Variants in FUBP1 observed in about 807,000 individuals in gnomAD.
The protein encoded by FUBP1 is far upstream element-binding protein 1.
FUBP1 carries 16 observed loss-of-function variants against 94.9 expected under a neutral mutation model. The ratio of observed to expected loss-of-function variants is 0.17; its 90% CI spans 0.11 to 0.26. FUBP1 has a LOEUF of 0.26. Ranked by LOEUF, FUBP1 falls within the 10% of genes least tolerant of loss-of-function variation. The pLI, the probability that FUBP1 is intolerant of heterozygous loss-of-function variation, is 1.00. For synonymous variants in FUBP1, 279 were observed against 254.9 expected (o/e 1.09, Z -0.90); for missense variants, 583 against 808.6 (o/e 0.72, Z 3.38).
chr1:77,959,825 C>G (rs980509350), intron 16 of FUBP1, among the ~76,000 whole-genome samples: 1 of 152,218 alleles, frequency 6.6e-6, no homozygotes, highest in Admixed American at 6.5e-5. Flanking sequence ...CTATCACATA[C>G]TTTTCTAAAT....
At chr1:77,971,226 C>T (rs144607214) in intron 1 of FUBP1, among the ~76,000 whole-genome samples, 1,643 of 152,278 alleles carry the variant, frequency 0.011, 12 homozygotes, top group Non-Finnish European at 0.016. Flanking sequence ...CTCCACACTG[C>T]AATGCTGTAC....
intron 18 of FUBP1, among the ~76,000 whole-genome samples, chr1:77,954,889 C>T (rs754078110): frequency 6.6e-6 from 1 of 152,202 alleles, no homozygotes; most frequent in Non-Finnish European, 1.5e-5. Flanking sequence ...CTGCAGATTA[C>T]TTCTTACCTG....
At position 77,947,556 on chromosome 1, in the gene FUBP1, C is replaced by T; in HGVS notation, c.*1210G>A. ...TACTGGCTGGATCAAACCTGCACTTCAACAGACAATGGCAAGACAGACTGT... is the reference window on the plus strand; with the variant it reads ...TACTGGCTGGATCAAACCTGCACTTTAACAGACAATGGCAAGACAGACTGT... On this transcript the variant is annotated 3_prime_UTR_variant, in exon 20 of 20. Coordinates refer to ENST00000370768, the MANE Select transcript of FUBP1 (RefSeq NM_003902.5). The T allele has an allele frequency of 7.4e-7, 1 of 1,350,606 alleles. No individual in the cohort carries two copies. The highest frequency in any genetic ancestry group is 9.8e-7 in the Non-Finnish European group (1 of 1,024,898). 83.7% of individuals were successfully genotyped at this position (1,350,606 alleles called of 1,614,324 possible).
chr1:77,948,269 G>C lies in FUBP1; in HGVS notation c.*497C>G. On this transcript the variant is annotated 3_prime_UTR_variant, in exon 20 of 20. Coordinates refer to ENST00000370768, the MANE Select transcript of FUBP1 (RefSeq NM_003902.5). ...CAATCTACCACTATACTGCAAGGGGGGAAAAACATGCCAGTGTTTAAAAAC... is the reference window on the plus strand; with the variant it reads ...CAATCTACCACTATACTGCAAGGGGCGAAAAACATGCCAGTGTTTAAAAAC... The C allele has an allele frequency of 9.5e-7, 1 of 1,055,302 alleles. No homozygotes were observed. The highest frequency in any genetic ancestry group is 4.6e-5 in the South Asian group (1 of 21,870). The allele number at this position is 1,055,302 out of a possible 1,614,324, so 65.4% of individuals were successfully genotyped here.
chr1:77,978,193 C>T (rs891985128), intron 1 of FUBP1, among the ~76,000 whole-genome samples: 1 of 152,188 alleles, frequency 6.6e-6, no homozygotes, highest in African/African-American at 2.4e-5. Flanking sequence ...GAAAGTGGTG[C>T]CTTCAGGGCA....
At position 77,963,028 on chromosome 1, in the gene FUBP1, T is replaced by C. The variant is rs868727559; in HGVS notation, c.1184-98A>G. On this transcript the variant is annotated intron_variant, in intron 13 of 19. Transcript: ENST00000370768. ...ACAATTAAATGGGCCATTAAAAATA[T>C]GGTTTGGTCAGTATCCTAATTGACA... The C allele has an allele frequency of 1.9e-5, 14 of 738,824 alleles. 1 individual carries two copies. Among genetic ancestry groups the C allele is most frequent in the Middle Eastern group, 2.8e-4 (1 of 3,610 alleles). 45.8% of individuals were successfully genotyped at this position (738,824 alleles called of 1,614,324 possible). A position where few individuals can be genotyped will look rare whatever the true frequency, so the allele number is the denominator to read the frequency against.
chr1:77,961,156 T>G (rs905101185), intron 14 of FUBP1, among the ~76,000 whole-genome samples: 6 of 152,222 alleles, frequency 3.9e-5, no homozygotes, highest in Admixed American at 3.9e-4. Flanking sequence ...CATGCATGCA[T>G]GCCACATCAT....
Position 77,945,539 on chromosome 1 carries a change from A to T in FUBP1, c.*3227T>A. The T allele has an allele frequency of 4.7e-6, 1 of 211,978 alleles. No individual in the cohort carries two copies. Among genetic ancestry groups the T allele is most frequent in the Non-Finnish European group, 9.6e-6 (1 of 104,508 alleles). The allele number at this position is 211,978 out of a possible 1,614,324, so 13.1% of individuals were successfully genotyped here. Reference sequence around the variant, plus strand: ...TTGAGCCCTTCTATGGTCCATGCTCATCGGCTCACCAATGGCATACACTCA... The same window carrying T: ...TTGAGCCCTTCTATGGTCCATGCTCTTCGGCTCACCAATGGCATACACTCA... On this transcript the variant is annotated 3_prime_UTR_variant, in exon 20 of 20. Coordinates refer to ENST00000370768, the MANE Select transcript of FUBP1 (RefSeq NM_003902.5).
chr1:77,949,072 G>A, intron 19 of FUBP1, 83 bp downstream of exon 19: 1 of 1,301,736 alleles, frequency 7.7e-7, no homozygotes, highest in South Asian at 1.2e-5. Context: ...AATTTAAAAG[G>A]CAAACACTCC....
rs1464230273 is a variant in FUBP1 at position 77,947,377 on chromosome 1, T to C, written c.*1389A>G. 4 of 498,224 alleles carry C rather than the reference T, an allele frequency of 8.0e-6. No homozygotes were observed. The highest frequency in any genetic ancestry group is 4.9e-5 in the South Asian group (3 of 60,736). 30.9% of individuals were successfully genotyped at this position (498,224 alleles called of 1,614,324 possible). A position where few individuals can be genotyped will look rare whatever the true frequency, so the allele number is the denominator to read the frequency against. ...TCCAACATAATATTCACACAACGTA[T>C]GGCATTTGCATTATGTGGAACATTG... On this transcript the variant is annotated 3_prime_UTR_variant, in exon 20 of 20. Coordinates refer to ENST00000370768, the MANE Select transcript of FUBP1 (RefSeq NM_003902.5).
At chr1:77,970,697 T>C (rs911537567) in intron 1 of FUBP1, among the ~76,000 whole-genome samples, 3 of 152,184 alleles carry the variant, frequency 2.0e-5, no homozygotes, top group Non-Finnish European at 1.5e-5. Flanking sequence ...TAGAAGATTT[T>C]TAAATTTTAG....
At chr1:77,959,466 G>A (rs1396474425) in intron 16 of FUBP1, among the ~76,000 whole-genome samples, 1 of 152,102 alleles carries the variant, frequency 6.6e-6, no homozygotes, top group African/African-American at 2.4e-5. Context: ...TATCTTATTT[G>A]ACAATTTGGA....
At position 77,966,921 on chromosome 1, in the gene FUBP1, T is replaced by C. The variant is rs748311194; in HGVS notation, c.378A>G (p.Ile126Met). ...GTATTTTGCATCCAGATTCCTGTTGTATGCGTGAGATCTGTTCACCTCCTC... is the reference window on the plus strand; with the variant it reads ...GTATTTTGCATCCAGATTCCTGTTGCATGCGTGAGATCTGTTCACCTCCTC... Reference protein sequence around the residue: ...IGRGGEQISRIQQESGCKIQI... With the variant: ...IGRGGEQISRMQQESGCKIQI... Residue 126 changes from isoleucine to methionine, a missense_variant, in exon 6 of 20, where the codon ATA becomes ATG. Transcript: ENST00000370768. 3 of 1,607,550 alleles carry C rather than the reference T, an allele frequency of 1.9e-6. No individual in the cohort carries two copies. Among genetic ancestry groups the C allele is most frequent in the Non-Finnish European group, 1.7e-6 (2 of 1,174,330 alleles).
At position 77,944,122 on chromosome 1, in the gene FUBP1, C is replaced by CT; in HGVS notation, c.*4643dup. ...TACAAAATTACAGCAATCATGTGAC[C>CT]TTTTACATACAATGTCATTAAAGCA... is the stretch of plus-strand genomic sequence containing the variant. On this transcript the variant is annotated 3_prime_UTR_variant, in exon 20 of 20. Coordinates refer to ENST00000370768, the MANE Select transcript of FUBP1 (RefSeq NM_003902.5). 1 of 189,054 alleles carries CT rather than the reference C, an allele frequency of 5.3e-6. No homozygotes were observed. The highest frequency in any genetic ancestry group is 1.1e-5 in the Non-Finnish European group (1 of 89,756). The allele number at this position is 189,054 out of a possible 1,614,324, so 11.7% of individuals were successfully genotyped here.
intron 1 of FUBP1, among the ~76,000 whole-genome samples, chr1:77,973,734 C>A (rs566025896): frequency 6.6e-6 from 1 of 152,106 alleles, no homozygotes; most frequent in African/African-American, 2.4e-5. Flanking sequence ...ACACAGTAGT[C>A]TCTTTATCTT....
In FUBP1 at chr1:77,956,688, G is replaced by A. The variant is rs766248444; in HGVS notation, c.1589C>T (p.Thr530Met). Residue 530 changes from threonine to methionine, a missense_variant, in exon 17 of 20, where the codon ACG becomes ATG. Coordinates refer to ENST00000370768, the MANE Select transcript of FUBP1 (RefSeq NM_003902.5). ...AGCCCAAGCTGCTGAATTTGGATCC[G>A]TTCCTGCCTTAGCTAAAATAAATGA... ...QAPPDPAKAG[T>M]DPNSAAWAAY... is the part of the protein sequence containing the mutation. 11 of 1,611,458 alleles carry A rather than the reference G, an allele frequency of 6.8e-6. No individual in the cohort carries two copies. The highest frequency in any genetic ancestry group is 3.3e-5 in the South Asian group (3 of 90,948).
chr1:77,969,901 T>C (rs1657199494), intron 2 of FUBP1, 24 bp downstream of exon 2: 1 of 1,040,180 alleles, frequency 9.6e-7, no homozygotes. Flanking sequence ...AAAAACAATT[T>C]AAAATACTTA....
At chr1:77,965,609 T>A (rs919784211) in intron 7 of FUBP1, among the ~76,000 whole-genome samples, 4 of 152,224 alleles carry the variant, frequency 2.6e-5, no homozygotes, top group Admixed American at 2.0e-4. Flanking sequence ...TCAACAAATA[T>A]TTAAATATCA....
At position 77,966,899 on chromosome 1, in the gene FUBP1, T is replaced by C. The variant is rs2102421090; in HGVS notation, c.400A>G (p.Ile134Val). 1.3e-6 allele frequency: 2 copies of C among 1,590,580 alleles called. No homozygotes were observed. The highest frequency in any genetic ancestry group is 4.5e-5 in the East Asian group (2 of 44,756). ...SRIQQESGCK[I>V]QIAPDSGGLP... ...GTAACATTACCAGGAGCTATCTGTA[T>C]TTTGCATCCAGATTCCTGTTGTATG... The change falls in exon 6 of 20, where the codon ATA (isoleucine) becomes GTA (valine). Residue 134 changes from isoleucine (I) to valine (V), a missense_variant. Ile to Val is a conservative substitution (Grantham distance 29, BLOSUM62 3). Coordinates refer to ENST00000370768, the MANE Select transcript of FUBP1 (RefSeq NM_003902.5).
Sources: allele counts gnomAD v4.1 joint callset (sites outside exome capture counted in the v4.1 genomes callset), GRCh38; gene constraint gnomAD v4.1.1; transcripts MANE v1.5; gene names NCBI Gene and HGNC (gene_info 2026-07-23, HGNC 2026-07-21).